The following RMDN2 variants were observed in gnomAD, a reference collection of about 807,000 sequenced individuals.
RMDN2 encodes regulator of microtubule dynamics 2.
A neutral mutation model predicts 52.8 loss-of-function variants in RMDN2; 61 were observed. The observed-to-expected ratio is 1.16, with a 90% CI of 0.94 to 1.43. The LOEUF (loss-of-function observed/expected upper bound fraction) is 1.43, where lower values mean the gene tolerates loss of function less well. Among genes scored for constraint, RMDN2 ranks in the 40% most tolerant of loss-of-function variants. The pLI is 0.00. For synonymous variants in RMDN2, 180 were observed against 153.1 expected, an observed-to-expected ratio of 1.18 and a Z score of -1.30; for missense variants, 592 against 475.3, an observed-to-expected ratio of 1.25 and a Z score of -2.28.
At chr2:38,007,000 A>G (rs2125206804) in intron 10 of RMDN2, among the ~76,000 whole-genome samples, 1 of 152,284 alleles carries the variant, frequency 6.6e-6, no homozygotes, top group South Asian at 2.1e-4. Context: ...TATATGCTGG[A>G]TTACATTTAT....
chr2:38,005,363 G>T (rs970833711), intron 10 of RMDN2, among the ~76,000 whole-genome samples: 1 of 152,156 alleles, frequency 6.6e-6, no homozygotes, highest in Non-Finnish European at 1.5e-5. Context: ...TCCAGCACCT[G>T]TTGTTTCCTG....
intron 2 of RMDN2, 121 bp from the exon 3 acceptor site, chr2:37,973,919 C>G (rs1165878741): frequency 1.4e-6 from 1 of 727,572 alleles, no homozygotes; most frequent in Non-Finnish European, 2.3e-6. Context: ...TGAGTGAAAG[C>G]ACGTGCCACT....
At position 37,989,615 on chromosome 2, in the gene RMDN2, A is replaced by C. The variant is rs1674490467; in HGVS notation, c.866A>C (p.Lys289Thr). The change falls in exon 6 of 11, where the codon AAG (lysine) becomes ACG (threonine). Residue 289 changes from lysine to threonine, a missense_variant and splice_region_variant. Coordinates refer to ENST00000354545, the MANE Select transcript of RMDN2 (RefSeq NM_001170791.3). ...AAAATCAACTATGGGCACCTCTTCAAGGTATTTCTTTTTTTTTTTTCATAT... is the reference window on the plus strand; with the variant it reads ...AAAATCAACTATGGGCACCTCTTCACGGTATTTCTTTTTTTTTTTTCATAT... Reference protein sequence around the residue: ...QNKINYGHLFKEHLDIAIKLL... With the variant: ...QNKINYGHLFTEHLDIAIKLL... The C allele has an allele frequency of 6.3e-7, 1 of 1,587,630 alleles. No homozygotes were observed. The highest frequency in any genetic ancestry group is 8.6e-7 in the Non-Finnish European group (1 of 1,164,484).
At chr2:38,040,043 T>TTTATTA (rs1278981951) in intron 10 of RMDN2, among the ~76,000 whole-genome samples, 1 of 85,306 alleles carries the variant, frequency 1.2e-5, no homozygotes, top group South Asian at 4.6e-4. Context: ...TGTGTCTAGA[T>TTTATTA]TCATTATTAT....
chr2:38,054,684 A>G (rs1329700878), intron 10 of RMDN2, among the ~76,000 whole-genome samples: 1 of 152,176 alleles, frequency 6.6e-6, no homozygotes, highest in Non-Finnish European at 1.5e-5. Context: ...GGCTTGCAGC[A>G]TGACCACCTA....
intron 2 of RMDN2, among the ~76,000 whole-genome samples, chr2:37,935,597 A>T (rs1412892379): frequency 1.3e-5 from 2 of 152,184 alleles, no homozygotes; most frequent in African/African-American, 4.8e-5. Flanking sequence ...TGTCAGGGAA[A>T]CTGTTATCTT....
At chr2:37,975,935 C>G (rs574186952) in intron 4 of RMDN2, among the ~76,000 whole-genome samples, 1 of 152,186 alleles carries the variant, frequency 6.6e-6, no homozygotes, top group South Asian at 2.1e-4. Flanking sequence ...AAAACTTAGA[C>G]AAGAAATGTA....
rs397984334 is a variant in RMDN2 at position 38,015,563 on chromosome 2, C to CAAA, written c.1180-1610_1180-1608dup. On this transcript the variant is annotated intron_variant, in intron 10 of 10. Transcript: ENST00000354545. ...CTGGCAACAGAGCGAGACTCCGTCT[C>CAAA]AAAAAAAAAAAAAAAGAAAAAAAAG... Among the ~76,000 whole-genome samples the CAAA allele has an allele frequency of 9.1e-5, 9 of 98,592 alleles. No individual in the cohort carries two copies. The South Asian group carries it at 9.8e-4, about 11-fold the overall frequency. The allele number at this position is 98,592 out of a possible 152,430, so 64.7% of individuals were successfully genotyped here.
intron 2 of RMDN2, among the ~76,000 whole-genome samples, chr2:37,955,120 A>C (rs1160157354): frequency 6.6e-6 from 1 of 152,022 alleles, no homozygotes; most frequent in Non-Finnish European, 1.5e-5. Context: ...TTTCCTACCT[A>C]AAGATTGTGT....
intron 10 of RMDN2, among the ~76,000 whole-genome samples, chr2:38,035,652 T>C (rs1251431074): frequency 1.3e-5 from 2 of 152,192 alleles, no homozygotes; most frequent in Non-Finnish European, 2.9e-5. Context: ...AAAAGAGGCA[T>C]GTAAAATGAG....
chr2:37,966,050 CT>C, intron 2 of RMDN2, among the ~76,000 whole-genome samples: 1 of 152,018 alleles, frequency 6.6e-6, no homozygotes, highest in Non-Finnish European at 1.5e-5. Flanking sequence ...TTCTTTTTGT[CT>C]TTAGCATTCA....
intron 7 of RMDN2, among the ~76,000 whole-genome samples, chr2:37,993,651 G>A (rs1366816396): frequency 6.6e-6 from 1 of 151,128 alleles, no homozygotes; most frequent in African/African-American, 2.4e-5. Context: ...GTAACCTAAA[G>A]CTTAGTCTGT....
At chr2:38,038,719 G>T (rs1044611771) in intron 10 of RMDN2, among the ~76,000 whole-genome samples, 1 of 152,166 alleles carries the variant, frequency 6.6e-6, no homozygotes, top group Non-Finnish European at 1.5e-5. Context: ...ATAGAAGGTG[G>T]GTTGATTACA....
At chr2:37,958,078 T>G (rs11124627) in intron 2 of RMDN2, among the ~76,000 whole-genome samples, 60,093 of 152,014 alleles carry the variant, frequency 0.4, 12,962 homozygotes, top group South Asian at 0.53. Flanking sequence ...TCAGGTAGTG[T>G]GATGCCTCCA....
chr2:37,937,796 C>G (rs571079267), intron 2 of RMDN2, among the ~76,000 whole-genome samples: 7 of 152,146 alleles, frequency 4.6e-5, no homozygotes, highest in East Asian at 1.9e-4. Flanking sequence ...GGGGCTGAGA[C>G]GATGAGGTTT....
chr2:38,024,602 A>G (rs955875295), intron 10 of RMDN2, among the ~76,000 whole-genome samples: 1 of 152,056 alleles, frequency 6.6e-6, no homozygotes, highest in African/African-American at 2.4e-5. Context: ...CTATTCAAAT[A>G]TTTTGCCCAT....
chr2:38,037,287 T>C (rs1680648464), intron 10 of RMDN2, among the ~76,000 whole-genome samples: 1 of 152,256 alleles, frequency 6.6e-6, no homozygotes, highest in African/African-American at 2.4e-5. Flanking sequence ...CTTTCCTCCC[T>C]GAGGGACAGA....
chr2:37,944,649 G>C (rs1372830056), intron 2 of RMDN2, among the ~76,000 whole-genome samples: 1 of 152,172 alleles, frequency 6.6e-6, no homozygotes, highest in Non-Finnish European at 1.5e-5. Context: ...AGAAGTTGCT[G>C]GGTAGTGATA....
intron 2 of RMDN2, among the ~76,000 whole-genome samples, chr2:37,935,344 G>A (rs1289618031): frequency 6.6e-6 from 1 of 152,140 alleles, no homozygotes; most frequent in African/African-American, 2.4e-5. Context: ...TATAGACAGT[G>A]CTTTTTGTTC....
Sources: allele counts gnomAD v4.1 joint callset (sites outside exome capture counted in the v4.1 genomes callset), GRCh38; gene constraint gnomAD v4.1.1; transcripts MANE v1.5; gene names NCBI Gene and HGNC (gene_info 2026-07-23, HGNC 2026-07-21).